Variants in NXN observed in about 807,000 individuals in gnomAD.
The protein encoded by NXN is nucleoredoxin.
In NXN, 16 loss-of-function variants were observed where a neutral mutation model predicts 48.6. The ratio of observed to expected loss-of-function variants is 0.33; its 90% CI spans 0.22 to 0.50. The LOEUF (loss-of-function observed/expected upper bound fraction) is 0.50. Ranked by LOEUF, NXN falls within the 20% of genes least tolerant of loss-of-function variation. The pLI is 0.98. For missense variants in NXN, 492 were observed against 605.5 expected, an observed-to-expected ratio of 0.81 and a Z score of 1.97; for synonymous variants, 281 against 269.6, an observed-to-expected ratio of 1.04 and a Z score of -0.41.
chr17:808,632 G>T (rs914448439), intron 5 of NXN, among the ~76,000 whole-genome samples: 5 of 148,586 alleles, frequency 3.4e-5, no homozygotes, highest in Non-Finnish European at 7.4e-5. Context: ...CTGGTATATT[G>T]ATATTGTAAG....
chr17:814,478 T>C (rs372974874), intron 5 of NXN, among the ~76,000 whole-genome samples: 7 of 152,228 alleles, frequency 4.6e-5, no homozygotes, highest in East Asian at 1.9e-4. Flanking sequence ...CCTGACCCAA[T>C]GGAGCAGCAG....
At chr17:808,714 G>C (rs918325758) in intron 5 of NXN, among the ~76,000 whole-genome samples, 3 of 120,376 alleles carry the variant, frequency 2.5e-5, no homozygotes, top group Admixed American at 1.1e-4. Context: ...TCACTCTGTT[G>C]CCCAGGCTGG....
intron 1 of NXN, among the ~76,000 whole-genome samples, chr17:904,292 T>TCGGACGC (rs143524575): frequency 1.2e-4 from 18 of 151,838 alleles, no homozygotes; most frequent in Non-Finnish European, 2.4e-4. Flanking sequence ...TGCCCGGACG[T>TCGGACGC]CGGACGCCGT....
chr17:861,281 GTGCCACTA>G (rs1207233276), intron 1 of NXN, among the ~76,000 whole-genome samples: 1 of 152,114 alleles, frequency 6.6e-6, no homozygotes, highest in Non-Finnish European at 1.5e-5. Flanking sequence ...TTACAAACAA[GTGCCACTA>G]TGCTCGGCTA....
chr17:974,344 C>T (rs950338632), intron 1 of NXN, among the ~76,000 whole-genome samples: 1 of 151,544 alleles, frequency 6.6e-6, no homozygotes, highest in Admixed American at 6.6e-5. Context: ...GAGCGAGACT[C>T]CATCTCAAAA....
intron 1 of NXN, among the ~76,000 whole-genome samples, chr17:947,747 A>C (rs1043737385): frequency 1.3e-5 from 2 of 150,642 alleles, no homozygotes; most frequent in Non-Finnish European, 3.0e-5. Context: ...AAAAAAAAAA[A>C]AAAAAAAGGG....
chr17:828,959 C>G (rs934942271), intron 1 of NXN, among the ~76,000 whole-genome samples: 1 of 151,970 alleles, frequency 6.6e-6, no homozygotes, highest in African/African-American at 2.4e-5. Flanking sequence ...AGCAAAACCA[C>G]ACAAATTGGG....
At chr17:879,605 C>T (rs758670868) in intron 1 of NXN, among the ~76,000 whole-genome samples, 8 of 151,878 alleles carry the variant, frequency 5.3e-5, no homozygotes, top group Admixed American at 2.6e-4. Context: ...GGTTTTAAAC[C>T]CGTGGAGCTA....
At chr17:938,819 G>T (rs973160299) in intron 1 of NXN, among the ~76,000 whole-genome samples, 5 of 152,170 alleles carry the variant, frequency 3.3e-5, no homozygotes, top group African/African-American at 1.2e-4. Flanking sequence ...CAGCACTTTG[G>T]TAGGCCGAGG....
Position 851,207 on chromosome 17 carries a change from G to T in NXN, c.361-25129C>A, listed in dbSNP as rs116010040. Among the ~76,000 whole-genome samples the T allele has an allele frequency of 8.8e-3, 1,337 of 152,358 alleles. 26 individuals are homozygous for T. Among genetic ancestry groups the T allele is most frequent in the African/African-American group, 0.031 (1,282 of 41,586 alleles). Reference sequence around the variant, plus strand: ...AAAGGTCTGTGTCCAAAAGCCGGGGGATGCGGTGGGGAGGCCGGGGCCCAG... The same window carrying T: ...AAAGGTCTGTGTCCAAAAGCCGGGGTATGCGGTGGGGAGGCCGGGGCCCAG... On this transcript the variant is annotated intron_variant, in intron 1 of 7. Coordinates refer to ENST00000336868, the MANE Select transcript of NXN (RefSeq NM_022463.5).
At chr17:900,022 T>C (rs1056492333) in intron 1 of NXN, among the ~76,000 whole-genome samples, 1 of 152,260 alleles carries the variant, frequency 6.6e-6, no homozygotes, top group East Asian at 1.9e-4. Context: ...TCCCAGCACG[T>C]TGGGAGGCCG....
In NXN at chr17:812,767, AGTGTAGGTGTGTGCATGT is replaced by A. The variant is rs979981503; in HGVS notation, c.820+6654_820+6671del. Reference sequence around the variant, plus strand: ...GTGAGTGAGAGTGTGCATATGTGTGAGTGTAGGTGTGTGCATGTGTGTAGGTGTGTGTGCGTGAGTGTA... The same window carrying A: ...GTGAGTGAGAGTGTGCATATGTGTGAGTGTAGGTGTGTGTGCGTGAGTGTA... On this transcript the variant is annotated intron_variant, in intron 5 of 7. Coordinates refer to ENST00000336868, the MANE Select transcript of NXN (RefSeq NM_022463.5). 1.1e-4 allele frequency among the ~76,000 whole-genome samples: 15 copies of A among 134,346 alleles called. No homozygotes were observed. In the East Asian group the frequency reaches 3.1e-3, roughly 28 times the overall value. 88.1% of individuals were successfully genotyped at this position (134,346 alleles called of 152,430 possible).
At chr17:934,056 T>G (rs2068880231) in intron 1 of NXN, among the ~76,000 whole-genome samples, 1 of 152,256 alleles carries the variant, frequency 6.6e-6, no homozygotes, top group African/African-American at 2.4e-5. Flanking sequence ...ATTTTATTTT[T>G]CACTTTATGA....
rs11247566 is a variant in NXN at position 932,131 on chromosome 17, A to G, written c.360+47188T>C. 0.43 allele frequency among the ~76,000 whole-genome samples: 65,432 copies of G among 152,100 alleles called. 16,269 individuals carry two copies. The highest frequency in any genetic ancestry group is 0.54 in the Admixed American group (8,295 of 15,270). On this transcript the variant is annotated intron_variant, in intron 1 of 7. Transcript: ENST00000336868. This position sits in a 1 kb window ranked among gnomAD's most constrained non-coding sequence, Gnocchi z 4.1. ...TGCACTCCAGCCTGGGCAATAGAGC[A>G]AGACCCTATCTCAAAAATAAAACAA...
chr17:866,609 G>C (rs1468800073), intron 1 of NXN, among the ~76,000 whole-genome samples: 2 of 152,092 alleles, frequency 1.3e-5, no homozygotes, highest in African/African-American at 4.8e-5. Context: ...GATAGGTGAG[G>C]AGTTGTACCT....
At chr17:966,200 C>T (rs967140381) in intron 1 of NXN, among the ~76,000 whole-genome samples, 3 of 152,120 alleles carry the variant, frequency 2.0e-5, no homozygotes, top group Admixed American at 1.3e-4. Flanking sequence ...CTACAACAAG[C>T]TTGTCCAACC....
chr17:945,775 A>G (rs1029670040), intron 1 of NXN, among the ~76,000 whole-genome samples: 1 of 152,186 alleles, frequency 6.6e-6, no homozygotes, highest in Non-Finnish European at 1.5e-5. Context: ...AGCCAGGCCC[A>G]ATGCCTGGGG....
chr17:975,385 G>A (rs1445756656), intron 1 of NXN, among the ~76,000 whole-genome samples: 1 of 152,212 alleles, frequency 6.6e-6, no homozygotes, highest in African/African-American at 2.4e-5. Context: ...AGCTGGAGTT[G>A]TAAGAATGTT....
intron 5 of NXN, among the ~76,000 whole-genome samples, chr17:818,411 C>T (rs1912608000): frequency 6.6e-6 from 1 of 152,026 alleles, no homozygotes; most frequent in Admixed American, 6.6e-5. Flanking sequence ...CTTATTCATG[C>T]TCCCAACAAT....
Sources: gnomAD v4.1 joint callset for allele counts (sites outside exome capture counted in the v4.1 genomes callset) on GRCh38, gnomAD v4.1.1 for gene constraint, Gnocchi (gnomAD v3.1) non-coding constraint, MANE v1.5 for transcripts, NCBI Gene and HGNC (gene_info 2026-07-23, HGNC 2026-07-21) for gene names.